The following CASP4 variants were observed in gnomAD, a reference collection of about 807,000 sequenced individuals.
The protein encoded by CASP4 is caspase-4.
CASP4 carries 29 observed loss-of-function variants against 41.3 expected under a neutral mutation model. The observed-to-expected ratio is 0.70, with a 90% CI of 0.52 to 0.96. The LOEUF (loss-of-function observed/expected upper bound fraction) is 0.96. CASP4 is among the 40% of genes least tolerant of loss of function. The probability of loss-of-function intolerance (pLI) is 0.00; values close to 1 mark genes in which losing one functional copy is unlikely to be tolerated. For missense variants in CASP4, 447 were observed against 460.6 expected (o/e 0.97, Z 0.27); for synonymous variants, 185 against 158.4 (o/e 1.17, Z -1.26).
At chr11:104,953,855 T>A (rs1340564823) in intron 2 of CASP4, among the ~76,000 whole-genome samples, 1 of 152,164 alleles carries the variant, frequency 6.6e-6, no homozygotes, top group Non-Finnish European at 1.5e-5. Context: ...AAAAAGAAGT[T>A]TTAAAATTTT....
rs765642183 is a variant in CASP4 at position 104,944,796 on chromosome 11, C to T, written c.1091G>A (p.Arg364Gln). The T allele has an allele frequency of 1.1e-5, 17 of 1,613,456 alleles. No individual in the cohort carries two copies. The highest frequency in any genetic ancestry group is 1.6e-4 in the Middle Eastern group (1 of 6,080). Reference sequence around the variant, plus strand: ...GTAGAAATATCTTGTCATGGACAGTCGTTCTATGGTGGGCATTTGAGCTTT... The same window carrying T: ...GTAGAAATATCTTGTCATGGACAGTTGTTCTATGGTGGGCATTTGAGCTTT... Reference protein sequence around the residue: ...RAKAQMPTIERLSMTRYFYLF... With the variant: ...RAKAQMPTIEQLSMTRYFYLF... The change falls in exon 8 of 9, where the codon CGA (arginine) becomes CAA (glutamine). Residue 364 changes from arginine (R) to glutamine (Q), a missense_variant. By Grantham distance (43) the Arg-to-Gln change is conservative (BLOSUM62 1). Transcript: ENST00000444739.
chr11:104,967,478 T>A (rs1189088932), intron 1 of CASP4, among the ~76,000 whole-genome samples: 3 of 152,138 alleles, frequency 2.0e-5, no homozygotes, highest in Non-Finnish European at 4.4e-5. Context: ...AAAGTTCAGA[T>A]AGTAAAAAAG....
intron 8 of CASP4, chr11:104,943,315 T>G (rs1860369910): frequency 7.9e-6 from 2 of 251,704 alleles, no homozygotes; most frequent in Non-Finnish European, 1.6e-5. Context: ...TCTCTTTTGG[T>G]CACACTGTCT....
In CASP4 at chr11:104,949,661, A is replaced by G. The variant is rs768163477; in HGVS notation, c.663T>C (p.His221=). 1.9e-6 allele frequency: 3 copies of G among 1,613,844 alleles called. No individual in the cohort carries two copies. The East Asian group carries it at 6.7e-5, about 36-fold the overall frequency. The change falls in exon 5 of 9, where the codon CAT becomes CAC. Residue 221 remains histidine (H), a synonymous_variant. Coordinates refer to ENST00000444739, the MANE Select transcript of CASP4 (RefSeq NM_001225.4). ...GCAGCACATCTGGTTTTTTCTCATC[A>G]TGCACAGTTCCGCAGATTCCCTCCA... is the stretch of plus-strand genomic sequence containing the variant. ...GILEGICGTV[H]DEKKPDVLLY... is the part of the protein sequence containing the mutation.
intron 1 of CASP4, among the ~76,000 whole-genome samples, chr11:104,955,895 C>G (rs1860727381): frequency 6.6e-6 from 1 of 152,012 alleles, no homozygotes; most frequent in Non-Finnish European, 1.5e-5. Context: ...ATAGTGCTGA[C>G]AGAAAATGAC....
intron 1 of CASP4, among the ~76,000 whole-genome samples, chr11:104,960,345 TTA>T (rs1373601112): frequency 1.3e-5 from 2 of 152,142 alleles, no homozygotes; most frequent in African/African-American, 4.8e-5. Context: ...AAGTATCAGA[TTA>T]GATGGTATTT....
At chr11:104,944,463 C>A (rs1159641055) in intron 8 of CASP4, 1 of 318,526 alleles carries the variant, frequency 3.1e-6, no homozygotes, top group Non-Finnish European at 5.9e-6. Flanking sequence ...GAAGCATGAG[C>A]ATGTTTCTAT....
Position 104,953,308 on chromosome 11 carries a change from G to A in CASP4, c.263-1303C>T, listed in dbSNP as rs376892194. On this transcript the variant is annotated intron_variant, in intron 2 of 8. Transcript: ENST00000444739. ...CACTAGACCCCTCCTGTGAGGGGTTGCCGCTGCCTTATTCCTGCCACAGCC... is the reference window on the plus strand; with the variant it reads ...CACTAGACCCCTCCTGTGAGGGGTTACCGCTGCCTTATTCCTGCCACAGCC... 5.3e-4 allele frequency among the ~76,000 whole-genome samples: 81 copies of A among 152,178 alleles called. 1 individual carries two copies. The highest frequency in any genetic ancestry group is 3.4e-3 in the Middle Eastern group (1 of 294).
intron 1 of CASP4, among the ~76,000 whole-genome samples, chr11:104,964,524 A>C (rs57424359): frequency 0.022 from 3,353 of 152,320 alleles, 145 homozygotes; most frequent in African/African-American, 0.075. Context: ...TAAGCACAAT[A>C]AAAATCTGTT....
intron 1 of CASP4, among the ~76,000 whole-genome samples, 194 bp from the exon 2 acceptor site, chr11:104,955,195 A>G (rs1397244651): frequency 6.6e-6 from 1 of 152,120 alleles, no homozygotes; most frequent in Non-Finnish European, 1.5e-5. Flanking sequence ...GCCACTAAAT[A>G]CTTTTTATTT....
rs1169194520 is a variant in CASP4 at position 104,949,723 on chromosome 11, C to T, written c.601G>A (p.Asp201Asn). ...FATRPEHKSSDSTFLVLMSHG... is the reference protein window; with the variant it reads ...FATRPEHKSSNSTFLVLMSHG... ...GACATGAGTACCAAGAATGTGCTGT[C>T]AGAGGACTTGTGCTCTGGTCTGGTA... Residue 201 changes from aspartate (D) to asparagine (N), a missense_variant, in exon 5 of 9, where the codon GAC (aspartate) becomes AAC (asparagine). Physicochemically the swap from Asp to Asn is conservative, Grantham distance 23. Transcript: ENST00000444739. 6.2e-7 allele frequency: 1 copy of T among 1,613,946 alleles called. No homozygotes were observed. Among genetic ancestry groups the T allele is most frequent in the Non-Finnish European group, 8.5e-7 (1 of 1,179,908 alleles).
At chr11:104,960,332 T>C (rs56278434) in intron 1 of CASP4, among the ~76,000 whole-genome samples, 2,155 of 152,278 alleles carry the variant, frequency 0.014, 53 homozygotes, top group African/African-American at 0.044. Context: ...CTGTCTATCC[T>C]TCAAGTATCA....
intron 2 of CASP4, among the ~76,000 whole-genome samples, chr11:104,952,446 T>C (rs1368081552): frequency 1.3e-5 from 2 of 152,106 alleles, no homozygotes; most frequent in Non-Finnish European, 2.9e-5. Flanking sequence ...TACTATCACA[T>C]GTAAAAAGTA....
At chr11:104,949,136 C>G (rs1370484247) in intron 5 of CASP4, 1 of 276,466 alleles carries the variant, frequency 3.6e-6, no homozygotes, top group Admixed American at 4.9e-5. Context: ...ATTTCCCCCT[C>G]AATAATTATA....
intron 7 of CASP4, among the ~76,000 whole-genome samples, chr11:104,946,291 A>T (rs528368895): frequency 6.6e-6 from 1 of 152,300 alleles, no homozygotes; most frequent in African/African-American, 2.4e-5. Flanking sequence ...AAGAGGGTGC[A>T]TTTATCTGTG....
intron 2 of CASP4, among the ~76,000 whole-genome samples, chr11:104,954,450 C>T (rs1000913422): frequency 2.0e-5 from 3 of 152,150 alleles, no homozygotes; most frequent in African/African-American, 7.2e-5. Flanking sequence ...CAGGATGTCA[C>T]ATAGGTCACA....
intron 1 of CASP4, among the ~76,000 whole-genome samples, chr11:104,957,197 A>C (rs966999320): frequency 1.3e-5 from 2 of 152,190 alleles, no homozygotes; most frequent in Non-Finnish European, 2.9e-5. Flanking sequence ...AAATAAACAG[A>C]TTCAAGAAAA....
At chr11:104,967,303 C>T (rs56077543) in intron 1 of CASP4, among the ~76,000 whole-genome samples, 5,963 of 152,074 alleles carry the variant, frequency 0.039, 157 homozygotes, top group Non-Finnish European at 0.063. Flanking sequence ...ACATAAACCC[C>T]GGAGAGAATT....
intron 1 of CASP4, among the ~76,000 whole-genome samples, chr11:104,955,767 T>A (rs1346557164): frequency 6.6e-6 from 1 of 152,106 alleles, no homozygotes; most frequent in Non-Finnish European, 1.5e-5. Context: ...AAGTAATACA[T>A]CCTTTGTTTC....
Sources: allele counts gnomAD v4.1 joint callset (sites outside exome capture counted in the v4.1 genomes callset), GRCh38; gene constraint gnomAD v4.1.1; transcripts MANE v1.5; gene names NCBI Gene and HGNC (gene_info 2026-07-23, HGNC 2026-07-21).